LMBR1: variants seen among roughly 807,000 people sequenced by gnomAD.
The protein encoded by LMBR1 is limb region 1 protein homolog.
In LMBR1, 52 loss-of-function variants were observed where a neutral mutation model predicts 73.9. The ratio of observed to expected loss-of-function variants is 0.70; its 90% CI spans 0.56 to 0.89. LMBR1 has a LOEUF of 0.89. Among genes scored for constraint, LMBR1 ranks in the 40% least tolerant of loss-of-function variants. The pLI is 0.00. For missense variants in LMBR1, 539 were observed against 579.8 expected (o/e 0.93, Z 0.72); for synonymous variants, 215 against 209.4 (o/e 1.03, Z -0.23).
chr7:156,845,253 A>C (rs1333733736), intron 1 of LMBR1, among the ~76,000 whole-genome samples: 3 of 152,176 alleles, frequency 2.0e-5, no homozygotes, highest in Non-Finnish European at 4.4e-5. Flanking sequence ...AACTATTTTT[A>C]AACCAATAAT....
intron 1 of LMBR1, among the ~76,000 whole-genome samples, chr7:156,855,720 G>A (rs548404918): frequency 1.5e-4 from 22 of 147,432 alleles, no homozygotes; most frequent in African/African-American, 4.7e-4. Flanking sequence ...GCTGCAAGCT[G>A]CAGAAAATCA....
At chr7:156,731,227 T>C (rs988230273) in intron 10 of LMBR1, among the ~76,000 whole-genome samples, 14 of 151,780 alleles carry the variant, frequency 9.2e-5, no homozygotes, top group Non-Finnish European at 1.6e-4. Flanking sequence ...CAGGAGAAAA[T>C]ATCAGACTGA....
intron 1 of LMBR1, among the ~76,000 whole-genome samples, chr7:156,869,915 G>A (rs1253036116): frequency 6.6e-6 from 1 of 152,000 alleles, no homozygotes; most frequent in African/African-American, 2.4e-5. Flanking sequence ...TATAAAAAAG[G>A]ACAAGTTTTT....
At chr7:156,831,275 A>ATTTT (rs10633275) in intron 3 of LMBR1, among the ~76,000 whole-genome samples, 3,902 of 127,898 alleles carry the variant, frequency 0.031, 233 homozygotes, top group African/African-American at 0.1. Context: ...CCTACCCTAG[A>ATTTT]TTTTTTTTTT....
At chr7:156,743,591 G>C (rs1437890761) in intron 9 of LMBR1, among the ~76,000 whole-genome samples, 1 of 152,106 alleles carries the variant, frequency 6.6e-6, no homozygotes, top group Admixed American at 6.5e-5. Flanking sequence ...AGGAAGACTG[G>C]TGCTCTTTCT....
chr7:156,819,522 G>GT (rs1563444555), intron 4 of LMBR1, among the ~76,000 whole-genome samples: 1 of 152,072 alleles, frequency 6.6e-6, no homozygotes, highest in Non-Finnish European at 1.5e-5. Context: ...GAAAGTACTA[G>GT]AACAGATGCT....
intron 1 of LMBR1, chr7:156,872,010 A>G (rs185921442): frequency 6.6e-6 from 1 of 152,350 alleles, no homozygotes; most frequent in African/African-American, 2.4e-5. Flanking sequence ...GTCCATTTGC[A>G]TAAGACATAA....
chr7:156,673,442 A>G (rs766885394), downstream of LMBR1, among the ~76,000 whole-genome samples: 1 of 152,250 alleles, frequency 6.6e-6, no homozygotes. Flanking sequence ...AGGAATAAAG[A>G]AAATTAAAAT....
At chr7:156,698,349 C>T (rs1585239258) in intron 15 of LMBR1, among the ~76,000 whole-genome samples, 2 of 152,338 alleles carry the variant, frequency 1.3e-5, no homozygotes, top group East Asian at 3.9e-4. Flanking sequence ...CCTCTTCTCA[C>T]AGCTCCACTA....
At position 156,836,881 on chromosome 7, in the gene LMBR1, CAT is replaced by C. The variant is rs905874614; in HGVS notation, c.69_70del (p.Ile23MetfsTer25). 1.4e-5 allele frequency: 22 copies of C among 1,569,162 alleles called. No homozygotes were observed. The highest frequency in any genetic ancestry group is 1.8e-5 in the Admixed American group (1 of 55,766). On this transcript the variant is annotated frameshift_variant and splice_region_variant, in exon 2 of 17. Coordinates refer to ENST00000353442, the MANE Select transcript of LMBR1 (RefSeq NM_022458.4). LOFTEE classifies it high-confidence loss of function. ...GTAGAGAATGGCAAAAAGAAGGAAACATATCTGAAACAAAACGAAGTTAACAG... is the reference window on the plus strand; with the variant it reads ...GTAGAGAATGGCAAAAAGAAGGAAACATCTGAAACAAAACGAAGTTAACAG...
At chr7:156,701,587 G>C (rs1207593317) in intron 15 of LMBR1, among the ~76,000 whole-genome samples, 2 of 152,182 alleles carry the variant, frequency 1.3e-5, no homozygotes, top group Non-Finnish European at 2.9e-5. Context: ...GGAGCAACAG[G>C]AACTCTCATT....
At chr7:156,777,136 G>A (rs1197754454) in intron 5 of LMBR1, among the ~76,000 whole-genome samples, 3 of 151,940 alleles carry the variant, frequency 2.0e-5, no homozygotes, top group East Asian at 1.9e-4. Flanking sequence ...GGGGTTTCAC[G>A]GTGTTAACCA....
At chr7:156,768,153 A>T (rs371977954) in intron 5 of LMBR1, among the ~76,000 whole-genome samples, 1 of 152,174 alleles carries the variant, frequency 6.6e-6, no homozygotes, top group African/African-American at 2.4e-5. Flanking sequence ...TAGGAGGCCA[A>T]GGGGGATGGA....
rs773047747 is a variant in LMBR1 at position 156,725,571 on chromosome 7, C to G, written c.1068-46G>C. ...AACTCTCCAACAGAATGCAAGTTTC[C>G]TAAGTTCTCGGCAGTCTCCAAAAAG... is the stretch of plus-strand genomic sequence containing the variant. On this transcript the variant is annotated intron_variant, in intron 13 of 16. Coordinates refer to ENST00000353442, the MANE Select transcript of LMBR1 (RefSeq NM_022458.4). 6 of 1,422,628 alleles carry G rather than the reference C, an allele frequency of 4.2e-6. No individual in the cohort carries two copies. The African/African-American group carries it at 7.3e-5, about 17-fold the overall frequency. 88.1% of individuals were successfully genotyped at this position (1,422,628 alleles called of 1,614,324 possible).
At chr7:156,833,110 G>C (rs1349893377) in intron 3 of LMBR1, among the ~76,000 whole-genome samples, 1 of 152,092 alleles carries the variant, frequency 6.6e-6, no homozygotes, top group Non-Finnish European at 1.5e-5. Context: ...AACAGTTGGA[G>C]TAAAAAAAAC....
intron 9 of LMBR1, among the ~76,000 whole-genome samples, chr7:156,749,986 T>C (rs1375611845): frequency 6.6e-6 from 1 of 152,034 alleles, no homozygotes; most frequent in Non-Finnish European, 1.5e-5. Context: ...ACTGAAAAGA[T>C]GAGAATCAAG....
chr7:156,769,926 A>T (rs951696888), intron 5 of LMBR1, among the ~76,000 whole-genome samples: 12 of 152,096 alleles, frequency 7.9e-5, no homozygotes, highest in Non-Finnish European at 1.3e-4. Flanking sequence ...AGCAGTCAAG[A>T]CCTCACAGTC....
chr7:156,743,683 T>C (rs1563259429), intron 9 of LMBR1, among the ~76,000 whole-genome samples: 1 of 152,108 alleles, frequency 6.6e-6, no homozygotes, highest in Non-Finnish European at 1.5e-5. Context: ...TAGTGAAACT[T>C]TAGTTTATCC....
intron 5 of LMBR1, among the ~76,000 whole-genome samples, chr7:156,774,899 C>T (rs575922440): frequency 2.0e-5 from 3 of 152,228 alleles, no homozygotes; most frequent in South Asian, 4.2e-4. Flanking sequence ...TTGTCCTAAG[C>T]GAACTAATGC....
Sources: gnomAD v4.1 joint callset for allele counts (sites outside exome capture counted in the v4.1 genomes callset) on GRCh38, gnomAD v4.1.1 for gene constraint, MANE v1.5 for transcripts, NCBI Gene and HGNC (gene_info 2026-07-23, HGNC 2026-07-21) for gene names.